SYT1: variants seen among roughly 807,000 people sequenced by gnomAD.
SYT1 encodes the protein synaptotagmin-1.
In SYT1, 8 loss-of-function variants were observed where a neutral mutation model predicts 44.8. The ratio of observed to expected loss-of-function variants is 0.18; its 90% CI spans 0.10 to 0.32. The LOEUF (loss-of-function observed/expected upper bound fraction) is 0.32. Ranked by LOEUF, SYT1 falls within the 10% of genes least tolerant of loss-of-function variation. The pLI is 1.00. For missense variants in SYT1, 286 were observed against 509.3 expected, an observed-to-expected ratio of 0.56 and a Z score of 4.22; for synonymous variants, 154 against 188.8, an observed-to-expected ratio of 0.82 and a Z score of 1.51.
intron 3 of SYT1, among the ~76,000 whole-genome samples, chr12:79,067,438 A>G (rs1024622513): frequency 6.6e-6 from 1 of 152,166 alleles, no homozygotes; most frequent in East Asian, 1.9e-4. Context: ...AACTATATCT[A>G]TATAAATATA....
intron 9 of SYT1, among the ~76,000 whole-genome samples, chr12:79,439,469 T>A (rs146757970): frequency 5.6e-4 from 86 of 152,234 alleles, no homozygotes; most frequent in African/African-American, 2.0e-3. Context: ...AATAAATTGG[T>A]ACTGGGATAG....
chr12:78,880,236 C>T (rs1874379918), intron 1 of SYT1, among the ~76,000 whole-genome samples: 2 of 151,632 alleles, frequency 1.3e-5, no homozygotes, highest in South Asian at 4.1e-4. Context: ...CATTGCATTC[C>T]TGCCTCAGAT....
intron 3 of SYT1, among the ~76,000 whole-genome samples, chr12:79,096,046 T>TG (rs1432605041): frequency 2.0e-5 from 3 of 151,716 alleles, no homozygotes; most frequent in African/African-American, 7.3e-5. Flanking sequence ...GGGGAAGAAA[T>TG]GCACTGTGAA....
At chr12:78,873,178 C>T (rs565755599) in intron 1 of SYT1, among the ~76,000 whole-genome samples, 4 of 151,524 alleles carry the variant, frequency 2.6e-5, no homozygotes, top group Non-Finnish European at 5.9e-5. Flanking sequence ...TTGTTACTTG[C>T]CTGCAATTAC....
intron 9 of SYT1, among the ~76,000 whole-genome samples, chr12:79,382,280 G>C (rs1884254849): frequency 2.0e-5 from 3 of 152,186 alleles, no homozygotes; most frequent in African/African-American, 4.8e-5. Flanking sequence ...TAGTGTGAAA[G>C]AGAGTGCTGC....
chr12:79,203,026 T>C (rs769382743), intron 3 of SYT1, among the ~76,000 whole-genome samples: 17 of 152,060 alleles, frequency 1.1e-4, no homozygotes, highest in Non-Finnish European at 2.4e-4. Flanking sequence ...GAGGCACATG[T>C]AGGTAAAGAG....
intron 2 of SYT1, among the ~76,000 whole-genome samples, chr12:78,982,419 T>C (rs1170714032): frequency 6.6e-6 from 1 of 152,136 alleles, no homozygotes; most frequent in Non-Finnish European, 1.5e-5. Context: ...GTGAATAAGA[T>C]TGGGAAAAAA....
chr12:78,972,435 T>A (rs1183313821), intron 1 of SYT1, among the ~76,000 whole-genome samples: 1 of 151,826 alleles, frequency 6.6e-6, no homozygotes, highest in Non-Finnish European at 1.5e-5. Context: ...AATATTCAAA[T>A]TAGACTTTTA....
chr12:79,448,242 T>C (rs2136210494), intron 10 of SYT1, among the ~76,000 whole-genome samples: 1 of 152,330 alleles, frequency 6.6e-6, no homozygotes. Flanking sequence ...CAATGCCAGA[T>C]ACATTGTAGT....
intron 9 of SYT1, among the ~76,000 whole-genome samples, chr12:79,424,271 T>C (rs1869300395): frequency 1.3e-5 from 2 of 152,060 alleles, no homozygotes; most frequent in African/African-American, 4.8e-5. Context: ...TTAGAAGAAT[T>C]TCTGCATCAC....
intron 3 of SYT1, among the ~76,000 whole-genome samples, chr12:79,169,071 G>C (rs1871367394): frequency 6.6e-6 from 1 of 152,004 alleles, no homozygotes; most frequent in South Asian, 2.1e-4. Flanking sequence ...TTGAAATTAT[G>C]GATGAATCAA....
intron 4 of SYT1, among the ~76,000 whole-genome samples, chr12:79,282,734 G>A (rs746646422): frequency 3.9e-5 from 6 of 151,910 alleles, no homozygotes. Flanking sequence ...TTAACCTAAC[G>A]ACCTAAAGAT....
At chr12:79,281,812 A>T (rs1364572935) in intron 4 of SYT1, among the ~76,000 whole-genome samples, 1 of 152,150 alleles carries the variant, frequency 6.6e-6, no homozygotes, top group Non-Finnish European at 1.5e-5. Context: ...GCTATAATGA[A>T]TTATTCCAAG....
intron 9 of SYT1, chr12:79,393,019 T>G (rs1315589472): frequency 1.3e-5 from 2 of 150,852 alleles, no homozygotes; most frequent in East Asian, 3.9e-4. Context: ...GTGTTCTCAT[T>G]GTTCAATTTC....
At chr12:79,132,440 T>C (rs1231034325) in intron 3 of SYT1, among the ~76,000 whole-genome samples, 2 of 145,254 alleles carry the variant, frequency 1.4e-5, no homozygotes, top group Non-Finnish European at 3.0e-5. Context: ...CAGAGCAAGA[T>C]TCCGTCTCAA....
chr12:79,186,550 A>G (rs1021442282), intron 3 of SYT1, among the ~76,000 whole-genome samples: 2 of 152,044 alleles, frequency 1.3e-5, no homozygotes, highest in African/African-American at 2.4e-5. Flanking sequence ...TTTGAGAGAA[A>G]GGAAGTAATT....
At chr12:78,988,314 G>C (rs1869794272) in intron 2 of SYT1, among the ~76,000 whole-genome samples, 1 of 149,352 alleles carries the variant, frequency 6.7e-6, no homozygotes. Flanking sequence ...TATATACTAT[G>C]TTATCTTTAT....
chr12:78,941,075 T>C (rs1470678919), intron 1 of SYT1, among the ~76,000 whole-genome samples: 1 of 124,214 alleles, frequency 8.1e-6, no homozygotes, highest in African/African-American at 3.0e-5. Flanking sequence ...CTTTTTTTTT[T>C]TTTTTTTTGA....
intron 3 of SYT1, among the ~76,000 whole-genome samples, chr12:79,169,097 C>T (rs564187154): frequency 6.6e-6 from 1 of 152,138 alleles, no homozygotes; most frequent in Non-Finnish European, 1.5e-5. Flanking sequence ...AGCAGGAAGT[C>T]TGTGATTTTC....
Sources: allele counts gnomAD v4.1 joint callset (sites outside exome capture counted in the v4.1 genomes callset), GRCh38; gene constraint gnomAD v4.1.1; transcripts MANE v1.5; gene names NCBI Gene and HGNC (gene_info 2026-07-23, HGNC 2026-07-21).